The following PHC1 variants were observed in gnomAD, a reference collection of about 807,000 sequenced individuals.
PHC1 encodes polyhomeotic-like protein 1.
PHC1 carries 12 observed loss-of-function variants against 104.3 expected under a neutral mutation model. That is an observed-to-expected ratio of 0.12 (90% CI 0.07 to 0.19). The LOEUF (loss-of-function observed/expected upper bound fraction) is 0.19. Ranked by LOEUF, PHC1 falls within the 10% of genes least tolerant of loss-of-function variation. The pLI is 1.00. For synonymous variants in PHC1, 302 were observed against 455.8 expected, an observed-to-expected ratio of 0.66 and a Z score of 4.30; for missense variants, 671 against 1,200.0, an observed-to-expected ratio of 0.56 and a Z score of 6.51.
At chr12:8,925,807 T>G (rs1284515918) in intron 6 of PHC1, among the ~76,000 whole-genome samples, 2 of 152,208 alleles carry the variant, frequency 1.3e-5, no homozygotes, top group Non-Finnish European at 2.9e-5. Flanking sequence ...GAGATTTGGA[T>G]GTATTTTTGT....
In PHC1 at chr12:8,919,453, G is replaced by A. The variant is rs1945295527; in HGVS notation, c.115-303G>A. The stretch of plus-strand genomic sequence containing the variant: ...AAATAAAAAAAATTAGCTGGACATG[G>A]TGGTGCATACCTATAGTCCTAGCTA... On this transcript the variant is annotated intron_variant, in intron 2 of 14. Transcript: ENST00000544916. The surrounding 1 kb of genome is among the most constrained non-coding windows in gnomAD (Gnocchi z 4.9). 6.6e-6 allele frequency among the ~76,000 whole-genome samples: 1 copy of A among 152,180 alleles called. No homozygotes were observed. Among genetic ancestry groups the A allele is most frequent in the Admixed American group, 6.5e-5 (1 of 15,276 alleles).
At chr12:8,917,304 TA>T (rs1945230767) in intron 1 of PHC1, among the ~76,000 whole-genome samples, 1 of 152,202 alleles carries the variant, frequency 6.6e-6, no homozygotes, top group Non-Finnish European at 1.5e-5. Context: ...TTTAAACTGT[TA>T]AAAAATGCTA....
chr12:8,925,180 C>T (rs908709433), intron 6 of PHC1, among the ~76,000 whole-genome samples: 3 of 152,090 alleles, frequency 2.0e-5, no homozygotes, highest in Admixed American at 6.6e-5. Context: ...TTTCTGTTAT[C>T]GTTTTTTTCA....
In PHC1 at chr12:8,927,895, TTCTTTCTTTCTTTCTTTC is replaced by T. The variant is rs1256403964; in HGVS notation, c.613-2538_613-2521del. Among the ~76,000 whole-genome samples, 41 of 114,294 alleles carry T rather than the reference TTCTTTCTTTCTTTCTTTC, an allele frequency of 3.6e-4. 1 individual carries two copies. Among genetic ancestry groups the T allele is most frequent in the African/African-American group, 1.5e-3 (37 of 24,464 alleles). The allele number at this position is 114,294 out of a possible 152,430, so 75.0% of individuals were successfully genotyped here. On this transcript the variant is annotated intron_variant, in intron 6 of 14. Coordinates refer to ENST00000544916, the MANE Select transcript of PHC1 (RefSeq NM_004426.3). ...TTTCTTTCTTTCTTTCTTTCTTTCT[TTCTTTCTTTCTTTCTTTC>T]TTTTTTTTTTTTTTTGAGACAGAGT... is the stretch of plus-strand genomic sequence containing the variant.
chr12:8,918,381 G>A (rs61919547), intron 2 of PHC1, among the ~76,000 whole-genome samples: 19 of 152,106 alleles, frequency 1.2e-4, no homozygotes, highest in Non-Finnish European at 2.1e-4. Flanking sequence ...AAAATTTTAC[G>A]TGAAGGAATC....
At chr12:8,936,683 AG>A (rs1337973488) in intron 11 of PHC1, among the ~76,000 whole-genome samples, 172 bp from the exon 12 acceptor site, 7 of 152,190 alleles carry the variant, frequency 4.6e-5, no homozygotes, top group Admixed American at 4.6e-4. Context: ...TCAAGGGACA[AG>A]TCTTCGTGAT....
At chr12:8,935,683 C>G (rs762555741) in intron 11 of PHC1, among the ~76,000 whole-genome samples, 2 of 152,174 alleles carry the variant, frequency 1.3e-5, no homozygotes, top group South Asian at 2.1e-4. Context: ...TATTATATAT[C>G]AGAGTATGTA....
chr12:8,927,581 C>G (rs1945552489), intron 6 of PHC1, among the ~76,000 whole-genome samples: 1 of 151,950 alleles, frequency 6.6e-6, no homozygotes, highest in African/African-American at 2.4e-5. Context: ...AAGCAATGCT[C>G]ATATAATGGT....
intron 5 of PHC1, 88 bp from the exon 6 acceptor site, chr12:8,922,545 A>G (rs376159384): frequency 1.6e-5 from 19 of 1,187,302 alleles, no homozygotes; most frequent in Non-Finnish European, 2.3e-5. Context: ...TCTTCTGTTT[A>G]TTTTGTCTTG....
At chr12:8,933,759 A>G in intron 8 of PHC1, 106 bp from the exon 9 acceptor site, 2 of 892,496 alleles carry the variant, frequency 2.2e-6, no homozygotes, top group East Asian at 5.2e-5. Flanking sequence ...ATAAATTGGG[A>G]AATCTGGAAC....
chr12:8,919,648 T>C lies in PHC1; in HGVS notation c.115-108T>C, dbSNP rs183064332. The C allele has an allele frequency of 2.6e-6, 3 of 1,137,996 alleles. No homozygotes were observed. Among genetic ancestry groups the C allele is most frequent in the Admixed American group, 4.7e-5 (2 of 42,874 alleles). 70.5% of individuals were successfully genotyped at this position (1,137,996 alleles called of 1,614,324 possible). A position where few individuals can be genotyped will look rare whatever the true frequency, so the allele number is the denominator to read the frequency against. On this transcript the variant is annotated intron_variant, in intron 2 of 14. Transcript: ENST00000544916. This position sits in a 1 kb window ranked among gnomAD's most constrained non-coding sequence, Gnocchi z 4.9. Reference sequence around the variant, plus strand: ...CGATTTAGCCCAAACTCCCATCTCCTCTGGTTTCTGTCCTTCCCATGGCCC... The same window carrying C: ...CGATTTAGCCCAAACTCCCATCTCCCCTGGTTTCTGTCCTTCCCATGGCCC...
At position 8,919,021 on chromosome 12, in the gene PHC1, C is replaced by T. The variant is rs959191949; in HGVS notation, c.115-735C>T. Among the ~76,000 whole-genome samples the T allele has an allele frequency of 6.6e-6, 1 of 152,098 alleles. No individual in the cohort carries two copies. The highest frequency in any genetic ancestry group is 2.4e-5 in the African/African-American group (1 of 41,440). ...GGTGCATGGCTGTAATTGTTTCTTC[C>T]GGTTTTTAAAGGACTATATAGACTT... On this transcript the variant is annotated intron_variant, in intron 2 of 14. Coordinates refer to ENST00000544916, the MANE Select transcript of PHC1 (RefSeq NM_004426.3). The surrounding 1 kb of genome is among the most constrained non-coding windows in gnomAD (Gnocchi z 4.9).
At chr12:8,937,109 A>T in intron 12 of PHC1, 67 bp from the exon 13 acceptor site, 1 of 1,540,630 alleles carries the variant, frequency 6.5e-7, no homozygotes, top group Non-Finnish European at 8.9e-7. Context: ...ATAAGCAGAA[A>T]TTCACATTTA....
intron 2 of PHC1, 70 bp downstream of exon 2, chr12:8,917,861 A>C: frequency 1.3e-6 from 1 of 785,056 alleles, no homozygotes; most frequent in Non-Finnish European, 2.0e-6. Context: ...GCTGGAAAAT[A>C]ATTGTACTCA....
At chr12:8,925,435 A>G (rs745754522) in intron 6 of PHC1, among the ~76,000 whole-genome samples, 10 of 152,336 alleles carry the variant, frequency 6.6e-5, no homozygotes, top group Non-Finnish European at 1.2e-4. Context: ...ATGGGGAAAT[A>G]ATTGAGAAAG....
intron 6 of PHC1, among the ~76,000 whole-genome samples, chr12:8,927,221 T>A (rs1413518980): frequency 6.6e-6 from 1 of 152,172 alleles, no homozygotes; most frequent in Non-Finnish European, 1.5e-5. Flanking sequence ...GGAGAGTTGT[T>A]TCAGTTGTTT....
chr12:8,923,846 A>AG (rs1491255447), intron 6 of PHC1, among the ~76,000 whole-genome samples: 1 of 150,928 alleles, frequency 6.6e-6, no homozygotes, highest in Non-Finnish European at 1.5e-5. Context: ...AAAAAAAAAA[A>AG]GAAAATATTT....
chr12:8,916,195 T>C (rs1386330730), intron 1 of PHC1: 2 of 152,580 alleles, frequency 1.3e-5, no homozygotes, highest in Non-Finnish European at 3.0e-5. Context: ...TGACATTTGC[T>C]AGTCCTAAAT....
intron 5 of PHC1, among the ~76,000 whole-genome samples, chr12:8,922,093 C>G (rs776717270): frequency 1.5e-4 from 23 of 152,188 alleles, no homozygotes; most frequent in Non-Finnish European, 3.4e-4. Context: ...GGATTACAGG[C>G]GTGAACCACC....
Sources: gnomAD v4.1 joint callset for allele counts (sites outside exome capture counted in the v4.1 genomes callset) on GRCh38, gnomAD v4.1.1 for gene constraint, Gnocchi (gnomAD v3.1) non-coding constraint, MANE v1.5 for transcripts, NCBI Gene and HGNC (gene_info 2026-07-23, HGNC 2026-07-21) for gene names.